Variants in RASGRF2 observed in about 807,000 individuals in gnomAD.
RASGRF2 encodes the protein Ras protein specific guanine nucleotide releasing factor 2, also known as ras-specific guanine nucleotide-releasing factor 2.
In RASGRF2, 76 loss-of-function variants were observed where a neutral mutation model predicts 151.0. The observed-to-expected ratio is 0.50, with a 90% CI of 0.42 to 0.61. The LOEUF (loss-of-function observed/expected upper bound fraction) is 0.61, where lower values mean the gene tolerates loss of function less well. Ranked by LOEUF, RASGRF2 falls within the 20% of genes least tolerant of loss-of-function variation. The pLI is 0.00. For synonymous variants in RASGRF2, 504 were observed against 566.5 expected, an observed-to-expected ratio of 0.89 and a Z score of 1.57; for missense variants, 1,148 against 1,564.6, an observed-to-expected ratio of 0.73 and a Z score of 4.49.
At chr5:81,142,146 G>A (rs1753898809) in intron 17 of RASGRF2, among the ~76,000 whole-genome samples, 1 of 152,166 alleles carries the variant, frequency 6.6e-6, no homozygotes, top group Non-Finnish European at 1.5e-5. Context: ...AAAATCAGAA[G>A]CTTAATATCA....
intron 15 of RASGRF2, among the ~76,000 whole-genome samples, chr5:81,118,002 C>T (rs1753206393): frequency 6.6e-6 from 1 of 152,226 alleles, no homozygotes; most frequent in Non-Finnish European, 1.5e-5. Flanking sequence ...AAGCCTTAGG[C>T]AGGCCCACTC....
intron 17 of RASGRF2, among the ~76,000 whole-genome samples, chr5:81,146,713 C>T (rs1754015402): frequency 6.6e-6 from 1 of 152,110 alleles, no homozygotes; most frequent in African/African-American, 2.4e-5. Flanking sequence ...ACCTCGCTAC[C>T]CTGCTCTGTT....
chr5:81,032,662 T>C (rs1325038715), intron 1 of RASGRF2, among the ~76,000 whole-genome samples: 5 of 152,172 alleles, frequency 3.3e-5, no homozygotes, highest in Non-Finnish European at 5.9e-5. Context: ...TAATAAGAGC[T>C]ATTTATGACA....
At chr5:81,216,023 C>A in intron 24 of RASGRF2, 68 bp downstream of exon 24, 1 of 1,299,546 alleles carries the variant, frequency 7.7e-7, no homozygotes, top group Non-Finnish European at 9.9e-7. Context: ...ATATAGTATA[C>A]AAACAGTGAC....
chr5:81,065,317 G>C (rs1450517863), intron 2 of RASGRF2, among the ~76,000 whole-genome samples: 1 of 152,172 alleles, frequency 6.6e-6, no homozygotes, highest in African/African-American at 2.4e-5. Context: ...TGTTTTTACA[G>C]AATAGAAAAT....
In RASGRF2 at chr5:81,182,658, T is replaced by C. The variant is rs77471407; in HGVS notation, c.2793+2377T>C. On this transcript the variant is annotated intron_variant, in intron 18 of 26. Transcript: ENST00000265080. ...GGTAAATGGTTCGAATAGACAGAGC[T>C]GCTCTCAGCTCACACAGTCTTCGGG... 9.8e-3 allele frequency among the ~76,000 whole-genome samples: 1,485 copies of C among 152,298 alleles called. 17 individuals are homozygous for C. Among genetic ancestry groups the C allele is most frequent in the African/African-American group, 0.034 (1,393 of 41,558 alleles).
At chr5:81,104,267 G>T (rs1269921828) in intron 12 of RASGRF2, among the ~76,000 whole-genome samples, 1 of 151,660 alleles carries the variant, frequency 6.6e-6, no homozygotes, top group African/African-American at 2.4e-5. Flanking sequence ...ATGTATATTT[G>T]AATTATTTCA....
chr5:81,202,835 G>A (rs1265034221), intron 19 of RASGRF2, among the ~76,000 whole-genome samples: 1 of 152,248 alleles, frequency 6.6e-6, no homozygotes, highest in Non-Finnish European at 1.5e-5. Context: ...GCCAAAGAAA[G>A]CCAAAGATCG....
At chr5:80,978,739 A>G (rs993592560) in intron 1 of RASGRF2, among the ~76,000 whole-genome samples, 1 of 152,058 alleles carries the variant, frequency 6.6e-6, no homozygotes, top group African/African-American at 2.4e-5. Context: ...GTGAGCCAAG[A>G]TCGTGCCATT....
At chr5:80,989,780 A>G (rs530088880) in intron 1 of RASGRF2, among the ~76,000 whole-genome samples, 14 of 152,360 alleles carry the variant, frequency 9.2e-5, no homozygotes, top group African/African-American at 3.4e-4. Context: ...TATGATGGTC[A>G]TTGTAACACA....
chr5:81,060,331 T>G (rs1239986453), intron 2 of RASGRF2, among the ~76,000 whole-genome samples: 1 of 152,140 alleles, frequency 6.6e-6, no homozygotes, highest in Non-Finnish European at 1.5e-5. Context: ...CACATACTGT[T>G]CCCTGGGCCT....
chr5:81,058,500 G>A (rs536361020), intron 2 of RASGRF2, among the ~76,000 whole-genome samples: 1 of 152,222 alleles, frequency 6.6e-6, no homozygotes, highest in Non-Finnish European at 1.5e-5. Flanking sequence ...GTGATGCAGA[G>A]TTGGGGGGAT....
intron 1 of RASGRF2, among the ~76,000 whole-genome samples, chr5:81,030,316 C>T (rs1750193823): frequency 6.6e-6 from 1 of 152,122 alleles, no homozygotes; most frequent in Non-Finnish European, 1.5e-5. Flanking sequence ...AAAGATACTC[C>T]TCGAGAAGAG....
At chr5:81,056,699 C>G (rs933963286) in intron 2 of RASGRF2, among the ~76,000 whole-genome samples, 1 of 152,082 alleles carries the variant, frequency 6.6e-6, no homozygotes, top group African/African-American at 2.4e-5. Flanking sequence ...CTTTCTGTCT[C>G]GTGGATCTGT....
chr5:81,138,484 G>A (rs1210278889), intron 17 of RASGRF2, among the ~76,000 whole-genome samples: 2 of 152,112 alleles, frequency 1.3e-5, no homozygotes, highest in African/African-American at 4.8e-5. Context: ...GAAGGCCCTG[G>A]GCATATTTCC....
At chr5:81,208,028 A>T (rs1755549019) in intron 21 of RASGRF2, among the ~76,000 whole-genome samples, 1 of 152,224 alleles carries the variant, frequency 6.6e-6, no homozygotes, top group Non-Finnish European at 1.5e-5. Flanking sequence ...CTTGATTTCT[A>T]AGGTAGTACT....
At chr5:81,214,770 C>T (rs1580412448) in intron 23 of RASGRF2, among the ~76,000 whole-genome samples, 1 of 152,182 alleles carries the variant, frequency 6.6e-6, no homozygotes, top group South Asian at 2.1e-4. Context: ...GTGGGTATTC[C>T]CAGGAATGGG....
chr5:80,969,510 G>C (rs202054892), intron 1 of RASGRF2, among the ~76,000 whole-genome samples: 1 of 149,682 alleles, frequency 6.7e-6, no homozygotes, highest in Non-Finnish European at 1.5e-5. Context: ...GTGCAGTGGC[G>C]CGATCTTGGC....
At chr5:81,126,396 T>C (rs1753454058) in intron 16 of RASGRF2, among the ~76,000 whole-genome samples, 1 of 152,236 alleles carries the variant, frequency 6.6e-6, no homozygotes, top group African/African-American at 2.4e-5. Context: ...TTACATACCA[T>C]AAAATTCACC....
Sources: allele counts gnomAD v4.1 joint callset (sites outside exome capture counted in the v4.1 genomes callset), GRCh38; gene constraint gnomAD v4.1.1; transcripts MANE v1.5; gene names NCBI Gene and HGNC (gene_info 2026-07-23, HGNC 2026-07-21).